The following EXOSC10 variants were observed in gnomAD, a reference collection of about 807,000 sequenced individuals.
EXOSC10 encodes the protein exosome complex component 10.
Under a neutral mutation model 126.6 loss-of-function variants are expected in EXOSC10, and 94 were observed. That is an observed-to-expected ratio of 0.74 (90% confidence interval 0.63 to 0.88). The LOEUF (loss-of-function observed/expected upper bound fraction) is 0.88. Ranked by LOEUF, EXOSC10 falls within the 40% of genes least tolerant of loss-of-function variation. EXOSC10 has a pLI of 0.00. For synonymous variants in EXOSC10, 395 were observed against 400.8 expected, an observed-to-expected ratio of 0.99 and a Z score of 0.17; for missense variants, 1,041 against 1,100.5, an observed-to-expected ratio of 0.95 and a Z score of 0.77.
intron 9 of EXOSC10, 126 bp downstream of exon 9, chr1:11,087,322 T>C: frequency 1.8e-6 from 2 of 1,118,034 alleles, no homozygotes; most frequent in Non-Finnish European, 1.3e-6. Flanking sequence ...CACTGTACCC[T>C]AGTTAGGAAA....
chr1:11,095,867 A>G lies in EXOSC10; in HGVS notation c.263T>C (p.Met88Thr). ...DRLLQCMSRV[M>T]QYHGCRSNIK... ...GTTGCTGCGACACCCATGGTACTGC[A>G]TTACTCTGCTCATGCTAAGGAAAGG... Residue 88 changes from methionine (M) to threonine (T), a missense_variant, in exon 3 of 25, where the codon ATG (methionine) becomes ACG (threonine). Coordinates refer to ENST00000376936, the MANE Select transcript of EXOSC10 (RefSeq NM_001001998.3). The G allele has an allele frequency of 1.2e-6, 2 of 1,613,696 alleles. No homozygotes were observed. Among genetic ancestry groups the G allele is most frequent in the Non-Finnish European group, 1.7e-6 (2 of 1,179,610 alleles).
intron 6 of EXOSC10, among the ~76,000 whole-genome samples, chr1:11,088,752 G>A (rs900257513): frequency 3.9e-5 from 6 of 152,230 alleles, no homozygotes; most frequent in Admixed American, 3.3e-4. Flanking sequence ...TGGGGCTAAA[G>A]GCATGAATGC....
At chr1:11,076,684 T>C (rs560089561) in intron 17 of EXOSC10, among the ~76,000 whole-genome samples, 158 bp downstream of exon 17, 53 of 152,246 alleles carry the variant, frequency 3.5e-4, no homozygotes, top group Non-Finnish European at 6.9e-4. Flanking sequence ...CAGTGCCACC[T>C]TGCTCATTGG....
intron 23 of EXOSC10, 98 bp from the exon 24 acceptor site, chr1:11,068,182 C>G (rs1218414009): frequency 2.2e-5 from 20 of 919,562 alleles, no homozygotes; most frequent in Non-Finnish European, 3.5e-5. Flanking sequence ...ATTCTAGCAG[C>G]ACAGGAGTGA....
chr1:11,071,059 GC>G, intron 20 of EXOSC10, 86 bp from the exon 21 acceptor site: 1 of 1,240,408 alleles, frequency 8.1e-7, no homozygotes, highest in Non-Finnish European at 1.2e-6. Context: ...ACTTGGCCTA[GC>G]CACAGGGGTT....
chr1:11,075,356 G>C (rs1327469393), intron 17 of EXOSC10, among the ~76,000 whole-genome samples: 1 of 152,144 alleles, frequency 6.6e-6, no homozygotes, highest in Non-Finnish European at 1.5e-5. Flanking sequence ...GGGAATCATT[G>C]AAATTATGCA....
chr1:11,082,941 C>T (rs1570823469), intron 9 of EXOSC10, 63 bp from the exon 10 acceptor site: 1 of 1,300,336 alleles, frequency 7.7e-7, no homozygotes, highest in East Asian at 2.3e-5. Context: ...CAGAAATTAA[C>T]TCTGCCTCTA....
intron 15 of EXOSC10, 78 bp downstream of exon 15, chr1:11,077,523 C>T (rs764515042): frequency 6.4e-5 from 103 of 1,602,392 alleles, no homozygotes; most frequent in Non-Finnish European, 8.8e-5. Flanking sequence ...CAGCACAGGC[C>T]TCTGTCAGAG....
chr1:11,098,300 C>G (rs959913710), intron 1 of EXOSC10, 144 bp from the exon 2 acceptor site: 13 of 1,013,884 alleles, frequency 1.3e-5, no homozygotes, highest in African/African-American at 5.0e-5. Flanking sequence ...CCAATCTAAT[C>G]TAGGCCCTGA....
rs1640561451 is a variant in EXOSC10, at chr1:11,087,523, G to A, written c.1014C>T (p.Phe338=). The change falls in exon 9 of 25, where the codon TTC becomes TTT. Residue 338 remains phenylalanine, a synonymous_variant. Transcript: ENST00000376936. ...TTCGAAGCTCGAGGGTGTCAATGAT[G>A]AAGTCTTCCGTCCGAGTAGAAATTT... ...LMQISTRTED[F]IIDTLELRSD... 6.2e-7 allele frequency: 1 copy of A among 1,614,128 alleles called. No homozygotes were observed. Among genetic ancestry groups the A allele is most frequent in the African/African-American group, 1.3e-5 (1 of 75,016 alleles).
chr1:11,093,011 T>C (rs988080219), intron 3 of EXOSC10, among the ~76,000 whole-genome samples: 1 of 152,238 alleles, frequency 6.6e-6, no homozygotes, highest in Admixed American at 6.5e-5. Context: ...AAATGCATTT[T>C]TGACTTATAA....
chr1:11,098,209 G>A, intron 1 of EXOSC10, 53 bp from the exon 2 acceptor site: 2 of 1,543,692 alleles, frequency 1.3e-6, no homozygotes, highest in Admixed American at 2.2e-5. Context: ...CCATTCATTT[G>A]GTATGTCATT....
At chr1:11,095,670 C>T (rs1641043215) in intron 3 of EXOSC10, 88 bp downstream of exon 3, 1 of 1,213,390 alleles carries the variant, frequency 8.2e-7, no homozygotes, top group South Asian at 1.3e-5. Context: ...GTCGAGATCG[C>T]ATCACTGCAC....
intron 14 of EXOSC10, among the ~76,000 whole-genome samples, chr1:11,077,933 T>G (rs1639911479): frequency 6.6e-6 from 1 of 152,122 alleles, no homozygotes; most frequent in Non-Finnish European, 1.5e-5. Context: ...AGGTCTCTCT[T>G]TACTTGGACA....
chr1:11,068,155 A>C, intron 23 of EXOSC10, 71 bp from the exon 24 acceptor site: 1 of 1,248,434 alleles, frequency 8.0e-7, no homozygotes, highest in Non-Finnish European at 1.2e-6. Context: ...AACACACCTG[A>C]GCTCAGGTGG....
rs373062947 is a variant in EXOSC10, at chr1:11,070,507, G to A, written c.2316+393C>T. 1.6e-4 allele frequency among the ~76,000 whole-genome samples: 21 copies of A among 129,266 alleles called. No homozygotes were observed. The South Asian group carries it at 5.7e-3, about 35-fold the overall frequency. The allele number at this position is 129,266 out of a possible 152,430, so 84.8% of individuals were successfully genotyped here. A position where few individuals can be genotyped will look rare whatever the true frequency, so the allele number is the denominator to read the frequency against. ...ACTGCACTCCAGCCTGTGCAACAGA[G>A]GTAGACACTACTTCAAAAAAAAAAA... is the stretch of plus-strand genomic sequence containing the variant. On this transcript the variant is annotated intron_variant, in intron 21 of 24. Transcript: ENST00000376936.
chr1:11,083,986 C>T (rs1408882912), intron 9 of EXOSC10, among the ~76,000 whole-genome samples: 2 of 152,152 alleles, frequency 1.3e-5, no homozygotes. Context: ...CGTAGTATTC[C>T]ATGGTGTATA....
At chr1:11,081,324 T>C (rs1162893970) in intron 10 of EXOSC10, 86 bp from the exon 11 acceptor site, 2 of 1,444,318 alleles carry the variant, frequency 1.4e-6, no homozygotes, top group South Asian at 1.3e-5. Flanking sequence ...GGGACTTCCT[T>C]AGACCCTTCC....
In EXOSC10 at chr1:11,099,803, C is replaced by G; in HGVS notation, c.29G>C (p.Arg10Thr). Reference sequence around the variant, plus strand: ...GGTTGCGCTGGTCGCCGACAGGACCCTGGGCTCCCGGGTACTGGGTGGCGC... The same window carrying G: ...GGTTGCGCTGGTCGCCGACAGGACCGTGGGCTCCCGGGTACTGGGTGGCGC... MAPPSTREPRVLSATSATKS... is the reference protein window; with the variant it reads MAPPSTREPTVLSATSATKS... The change falls in exon 1 of 25, where the codon AGG (arginine) becomes ACG (threonine). Residue 10 changes from arginine to threonine, a missense_variant. Transcript: ENST00000376936. The G allele has an allele frequency of 6.2e-7, 1 of 1,611,752 alleles. No individual in the cohort carries two copies. The highest frequency in any genetic ancestry group is 8.5e-7 in the Non-Finnish European group (1 of 1,178,912).
Sources: allele counts gnomAD v4.1 joint callset (sites outside exome capture counted in the v4.1 genomes callset), GRCh38; gene constraint gnomAD v4.1.1; transcripts MANE v1.5; gene names NCBI Gene and HGNC (gene_info 2026-07-23, HGNC 2026-07-21).